Variants in LRP5 observed in about 807,000 individuals in gnomAD.
LRP5 encodes the protein low-density lipoprotein receptor-related protein 5.
In LRP5, 62 loss-of-function variants were observed where a neutral mutation model predicts 154.1. That is an observed-to-expected ratio of 0.40 (90% CI 0.33 to 0.50). The LOEUF (loss-of-function observed/expected upper bound fraction) is 0.50. Among genes scored for constraint, LRP5 ranks in the 20% least tolerant of loss-of-function variants. The probability of loss-of-function intolerance (pLI) is 0.55; values close to 1 mark genes in which losing one functional copy is unlikely to be tolerated. For synonymous variants in LRP5, 966 were observed against 1,011.5 expected (o/e 0.96, Z 0.85); for missense variants, 1,915 against 2,336.7 (o/e 0.82, Z 3.72).
chr11:68,330,030 A>C (rs2098601835), intron 1 of LRP5, among the ~76,000 whole-genome samples: 2 of 152,248 alleles, frequency 1.3e-5, no homozygotes, highest in South Asian at 4.1e-4. Flanking sequence ...ATTTGCAGAC[A>C]TCAATCAAAT....
Position 68,399,021 on chromosome 11 carries a change from TTTG to T in LRP5, c.1585-4459_1585-4457del, listed in dbSNP as rs1362224952. On this transcript the variant is annotated intron_variant, in intron 7 of 22. Coordinates refer to ENST00000294304, the MANE Select transcript of LRP5 (RefSeq NM_002335.4). ...CTCGAGCCACGGAGCCCAGCCTGTT[TTTG>T]TTTTTTCACTGATAAAGTTTTGCCG... Among the ~76,000 whole-genome samples the T allele has an allele frequency of 3.2e-4, 49 of 152,238 alleles. 1 individual carries two copies. The highest frequency in any genetic ancestry group is 3.3e-4 in the Admixed American group (5 of 15,282).
At chr11:68,399,267 C>A (rs2098651298) in intron 7 of LRP5, among the ~76,000 whole-genome samples, 1 of 151,574 alleles carries the variant, frequency 6.6e-6, no homozygotes, top group Non-Finnish European at 1.5e-5. Context: ...GCTACTTAGG[C>A]ATCTGAGGTG....
At chr11:68,310,822 C>T (rs1453402718), upstream of LRP5, among the ~76,000 whole-genome samples, 1 of 150,986 alleles carries the variant, frequency 6.6e-6, no homozygotes, top group Non-Finnish European at 1.5e-5. Flanking sequence ...GGCAGGAGTG[C>T]ACCTGGTGTG....
chr11:68,384,091 C>G (rs2098641680), intron 5 of LRP5, among the ~76,000 whole-genome samples: 2 of 152,126 alleles, frequency 1.3e-5, no homozygotes, highest in Admixed American at 1.3e-4. Context: ...GCCCTGGGCC[C>G]GTGTCGCTGT....
rs2098682156 is a variant in LRP5, at chr11:68,447,617, T to A, written c.4586+1084T>A. ...TCCTCGTCCCACCTCCTGCCTTTGC[T>A]CATGCCCGTCCTGCTCTGGGCCCAC... On this transcript the variant is annotated intron_variant, in intron 22 of 22. Transcript: ENST00000294304. The surrounding 1 kb of genome is among the most constrained non-coding windows in gnomAD (Gnocchi z 4.3). Among the ~76,000 whole-genome samples the A allele has an allele frequency of 6.6e-6, 1 of 152,116 alleles. No individual in the cohort carries two copies. Among genetic ancestry groups the A allele is most frequent in the Non-Finnish European group, 1.5e-5 (1 of 68,006 alleles).
At chr11:68,417,591 A>G (rs1459154633) in intron 13 of LRP5, among the ~76,000 whole-genome samples, 1 of 149,080 alleles carries the variant, frequency 6.7e-6, no homozygotes, top group Non-Finnish European at 1.5e-5. Flanking sequence ...CTCCTGAGTA[A>G]CTGGGATTAC....
Position 68,445,632 on chromosome 11 carries a change from A to G in LRP5, c.4489-804A>G, listed in dbSNP as rs965403599. ...CCTTGGAGACCCACATAAGCCCTAC[A>G]CCCTTTGGGAAGCTGCATGTTGGGT... On this transcript the variant is annotated intron_variant, in intron 21 of 22. Coordinates refer to ENST00000294304, the MANE Select transcript of LRP5 (RefSeq NM_002335.4). 4 of 1,318,402 alleles carry G rather than the reference A, an allele frequency of 3.0e-6. No homozygotes were observed. In the African/African-American group the frequency reaches 4.5e-5, roughly 15 times the overall value. 81.7% of individuals were successfully genotyped at this position (1,318,402 alleles called of 1,614,324 possible). A position where few individuals can be genotyped will look rare whatever the true frequency, so the allele number is the denominator to read the frequency against.
Position 68,439,841 on chromosome 11 carries a change from C to G in LRP5, c.4413C>G (p.Pro1471=), listed in dbSNP as rs751311955. The change falls in exon 21 of 23, where the codon CCC becomes CCG. Residue 1471 remains proline, a synonymous_variant. Coordinates refer to ENST00000294304, the MANE Select transcript of LRP5 (RefSeq NM_002335.4). ...TGATGGGGGGCCGGGGCGGGGTGCC[C>G]CTCTACGACCGGAACCACGTCACAG... The part of the protein sequence containing the change: ...VSLMGGRGGV[P]LYDRNHVTGA... 1 of 1,610,400 alleles carries G rather than the reference C, an allele frequency of 6.2e-7. No individual in the cohort carries two copies. The highest frequency in any genetic ancestry group is 1.1e-5 in the South Asian group (1 of 90,334).
chr11:68,422,095 T>TG (rs2098666147), intron 13 of LRP5, among the ~76,000 whole-genome samples: 1 of 151,312 alleles, frequency 6.6e-6, no homozygotes, highest in Admixed American at 6.6e-5. Context: ...ACTGAGCTAT[T>TG]GTTTTTTTTG....
intron 8 of LRP5, chr11:68,404,274 C>CTGGG: frequency 1.9e-6 from 1 of 528,876 alleles, no homozygotes; most frequent in Middle Eastern, 2.8e-4. Context: ...AGGGACAGGC[C>CTGGG]TGGGGCTCGC....
intron 8 of LRP5, among the ~76,000 whole-genome samples, chr11:68,405,175 A>G (rs78600184): frequency 1.3e-5 from 2 of 151,876 alleles, no homozygotes; most frequent in African/African-American, 2.4e-5. Context: ...AAAAAAAAAA[A>G]GAACATTTAT....
At chr11:68,406,880 A>G in intron 9 of LRP5, 67 bp downstream of exon 9, 1 of 1,521,582 alleles carries the variant, frequency 6.6e-7, no homozygotes, top group Non-Finnish European at 9.0e-7. Flanking sequence ...TTCCTGCCTC[A>G]AAGGCTTCAG....
intron 5 of LRP5, among the ~76,000 whole-genome samples, chr11:68,367,840 G>A (rs1446620086): frequency 6.6e-6 from 1 of 152,156 alleles, no homozygotes; most frequent in Admixed American, 6.5e-5. Flanking sequence ...AAGGCAGGTG[G>A]ATCATTTGAG....
chr11:68,420,761 T>C (rs2153171544), intron 13 of LRP5, among the ~76,000 whole-genome samples: 2 of 152,128 alleles, frequency 1.3e-5, no homozygotes, highest in East Asian at 3.9e-4. Flanking sequence ...TATTTATCCA[T>C]CCACGGGTGC....
At chr11:68,349,385 G>A (rs1025975957) in intron 2 of LRP5, among the ~76,000 whole-genome samples, 1 of 152,180 alleles carries the variant, frequency 6.6e-6, no homozygotes, top group Non-Finnish European at 1.5e-5. Context: ...CGATGTGGTT[G>A]GCCATGGGTT....
At chr11:68,347,435 C>A (rs1449343978) in intron 1 of LRP5, among the ~76,000 whole-genome samples, 3 of 152,232 alleles carry the variant, frequency 2.0e-5, no homozygotes, top group Admixed American at 2.0e-4. Context: ...ATGGCCAGTG[C>A]TGTGCCTGCA....
chr11:68,411,348 G>A, intron 10 of LRP5, 88 bp from the exon 11 acceptor site: 2 of 1,410,808 alleles, frequency 1.4e-6, no homozygotes, highest in Non-Finnish European at 2.0e-6. Context: ...GAGCTGAAGA[G>A]GTGGGGACAG....
At position 68,386,813 on chromosome 11, in the gene LRP5, C is replaced by T; in HGVS notation, c.1412+101C>T. ...GTCATTCTGGGACACTGTCTTGCAT[C>T]AGAACCCGGAGGAGGGCTTGTTAAA... On this transcript the variant is annotated intron_variant, in intron 6 of 22. Coordinates refer to ENST00000294304, the MANE Select transcript of LRP5 (RefSeq NM_002335.4). The surrounding 1 kb of genome is among the most constrained non-coding windows in gnomAD (Gnocchi z 7.9). 7.4e-7 allele frequency: 1 copy of T among 1,358,778 alleles called. No homozygotes were observed. Among genetic ancestry groups the T allele is most frequent in the Non-Finnish European group, 9.9e-7 (1 of 1,009,032 alleles). The allele number at this position is 1,358,778 out of a possible 1,614,324, so 84.2% of individuals were successfully genotyped here.
At chr11:68,393,590 G>A (rs2098647587) in intron 7 of LRP5, among the ~76,000 whole-genome samples, 1 of 152,134 alleles carries the variant, frequency 6.6e-6, no homozygotes, top group Non-Finnish European at 1.5e-5. Context: ...AGACGAGCCT[G>A]GCCAACATGG....
Sources: gnomAD v4.1 joint callset for allele counts (sites outside exome capture counted in the v4.1 genomes callset) on GRCh38, gnomAD v4.1.1 for gene constraint, Gnocchi (gnomAD v3.1) non-coding constraint, MANE v1.5 for transcripts, NCBI Gene and HGNC (gene_info 2026-07-23, HGNC 2026-07-21) for gene names.